SCHIP1: variants seen among roughly 807,000 people sequenced by gnomAD.
The protein encoded by SCHIP1 is schwannomin interacting protein 1.
Under a neutral mutation model 29.7 loss-of-function variants are expected in SCHIP1, and 8 were observed. The observed-to-expected ratio is 0.27, with a 90% CI of 0.16 to 0.49. The LOEUF (loss-of-function observed/expected upper bound fraction) is 0.49. Among genes scored for constraint, SCHIP1 ranks in the 20% least tolerant of loss-of-function variants. SCHIP1 has a pLI of 0.99. For synonymous variants in SCHIP1, 76 were observed against 94.9 expected, an observed-to-expected ratio of 0.80 and a Z score of 1.16; for missense variants, 193 against 294.6, an observed-to-expected ratio of 0.66 and a Z score of 2.52.
the SCHIP1 span, among the ~76,000 whole-genome samples, chr3:159,431,815 A>G: frequency 6.6e-6 from 1 of 152,024 alleles, no homozygotes; most frequent in East Asian, 1.9e-4. Flanking sequence ...CTCAAAAAAA[A>G]AAAAAAAAGT....
At chr3:159,869,415 A>T (rs2109287556) in intron 2 of SCHIP1, among the ~76,000 whole-genome samples, 1 of 152,070 alleles carries the variant, frequency 6.6e-6, no homozygotes, top group South Asian at 2.1e-4. Context: ...TGATTTCTTG[A>T]TATGGTATGG....
the SCHIP1 span, among the ~76,000 whole-genome samples, chr3:159,345,586 CTCAT>C: frequency 1.3e-5 from 2 of 151,930 alleles, no homozygotes; most frequent in African/African-American, 2.4e-5. Flanking sequence ...CTCTCACTCA[CTCAT>C]TCACTCACAC....
At chr3:159,833,887 C>A in the SCHIP1 span, among the ~76,000 whole-genome samples, 2 of 152,186 alleles carry the variant, frequency 1.3e-5, no homozygotes, top group Non-Finnish European at 2.9e-5. Context: ...CCTCACAATT[C>A]CTTATCTTGC....
the SCHIP1 span, among the ~76,000 whole-genome samples, chr3:159,527,781 G>C: frequency 4.6e-5 from 7 of 152,162 alleles, no homozygotes; most frequent in Non-Finnish European, 1.0e-4. Context: ...AGGAGGGTAA[G>C]TGATGTCCAA....
chr3:159,314,402 G>C, the SCHIP1 span, among the ~76,000 whole-genome samples: 1 of 152,142 alleles, frequency 6.6e-6, no homozygotes, highest in African/African-American at 2.4e-5. Context: ...ATCAGTCTTA[G>C]TCAAATTTCA....
the SCHIP1 span, among the ~76,000 whole-genome samples, chr3:159,507,906 A>G: frequency 6.6e-6 from 1 of 152,212 alleles, no homozygotes. Flanking sequence ...GATATTCATC[A>G]GGGATATTGG....
chr3:159,462,375 G>A, the SCHIP1 span, among the ~76,000 whole-genome samples: 8 of 152,028 alleles, frequency 5.3e-5, no homozygotes, highest in East Asian at 1.9e-4. Flanking sequence ...CCTGCCCTGC[G>A]TCCTCCTCAC....
chr3:159,775,406 G>A, the SCHIP1 span, among the ~76,000 whole-genome samples: 12,100 of 152,216 alleles, frequency 0.079, 631 homozygotes, highest in East Asian at 0.17. Flanking sequence ...TGCAGACAGC[G>A]GATGGTCTGT....
chr3:159,717,771 A>G, the SCHIP1 span, among the ~76,000 whole-genome samples: 1 of 152,208 alleles, frequency 6.6e-6, no homozygotes, highest in Non-Finnish European at 1.5e-5. Flanking sequence ...CCAGGACCAG[A>G]TGGATTCACA....
chr3:159,392,790 T>A, the SCHIP1 span, among the ~76,000 whole-genome samples: 1 of 152,146 alleles, frequency 6.6e-6, no homozygotes, highest in Non-Finnish European at 1.5e-5. Flanking sequence ...CATGTGTCTT[T>A]ATAGCAGCAT....
chr3:159,757,487 GAC>G, the SCHIP1 span, among the ~76,000 whole-genome samples: 1 of 152,180 alleles, frequency 6.6e-6, no homozygotes, highest in Admixed American at 6.5e-5. Context: ...CTTGGGTGGG[GAC>G]ACAGAGCTAA....
chr3:159,626,147 GATATATAT>G, the SCHIP1 span, among the ~76,000 whole-genome samples: 4 of 82,644 alleles, frequency 4.8e-5, no homozygotes, highest in South Asian at 6.4e-4. Context: ...GATATATCTA[GATATATAT>G]ATATATCTAG....
At chr3:159,424,067 A>T in the SCHIP1 span, among the ~76,000 whole-genome samples, 12 of 58,508 alleles carry the variant, frequency 2.1e-4, no homozygotes, top group Non-Finnish European at 2.3e-4. Flanking sequence ...AAAAACCAAA[A>T]GTAGATAAAA....
chr3:159,650,011 C>T, the SCHIP1 span, among the ~76,000 whole-genome samples: 1 of 152,114 alleles, frequency 6.6e-6, no homozygotes, highest in African/African-American at 2.4e-5. Flanking sequence ...TTCATAGAAC[C>T]ACACACAAGC....
the SCHIP1 span, among the ~76,000 whole-genome samples, chr3:159,422,083 G>T: frequency 6.6e-6 from 1 of 152,192 alleles, no homozygotes; most frequent in Non-Finnish European, 1.5e-5. Flanking sequence ...AAATTCCAAT[G>T]GTCATTTTCA....
chr3:159,376,675 C>A, the SCHIP1 span, among the ~76,000 whole-genome samples: 1 of 152,142 alleles, frequency 6.6e-6, no homozygotes, highest in African/African-American at 2.4e-5. Flanking sequence ...TGCTGTGTTT[C>A]ATATTCTTGG....
At chr3:159,552,734 G>T in the SCHIP1 span, among the ~76,000 whole-genome samples, 2 of 152,098 alleles carry the variant, frequency 1.3e-5, no homozygotes, top group African/African-American at 4.8e-5. Context: ...AGCAGACACA[G>T]GTCTAGAAAT....
chr3:159,787,370 C>T, the SCHIP1 span, among the ~76,000 whole-genome samples: 5 of 152,338 alleles, frequency 3.3e-5, no homozygotes, highest in East Asian at 7.7e-4. Flanking sequence ...ACCCCACATA[C>T]ATTCATACAC....
the SCHIP1 span, among the ~76,000 whole-genome samples, chr3:159,444,971 G>A: frequency 6.6e-6 from 1 of 152,070 alleles, no homozygotes; most frequent in Admixed American, 6.6e-5. Flanking sequence ...CATGGGCAAG[G>A]ACTTCATGTC....
Sources: allele counts gnomAD v4.1 joint callset (sites outside exome capture counted in the v4.1 genomes callset), GRCh38; gene constraint gnomAD v4.1.1; transcripts MANE v1.5; gene names NCBI Gene and HGNC (gene_info 2026-07-23, HGNC 2026-07-21).